DPP10: variants seen among roughly 807,000 people sequenced by gnomAD.
DPP10 encodes the protein inactive dipeptidyl peptidase 10.
Under a neutral mutation model 120.9 loss-of-function variants are expected in DPP10, and 33 were observed. The ratio of observed to expected loss-of-function variants is 0.27; its 90% CI spans 0.21 to 0.37. DPP10 has a LOEUF of 0.37. Among genes scored for constraint, DPP10 ranks in the 10% least tolerant of loss-of-function variants. The pLI is 1.00. For synonymous variants in DPP10, 337 were observed against 326.1 expected (o/e 1.03, Z -0.36); for missense variants, 816 against 942.8 (o/e 0.87, Z 1.76).
intron 1 of DPP10, among the ~76,000 whole-genome samples, chr2:114,814,427 A>G (rs17043595): frequency 0.013 from 2,045 of 152,050 alleles, 45 homozygotes; most frequent in African/African-American, 0.041. Flanking sequence ...AGTACTGTAC[A>G]ATTGTAATAT....
At chr2:114,774,030 A>G (rs1228243125) in intron 1 of DPP10, among the ~76,000 whole-genome samples, 2 of 152,046 alleles carry the variant, frequency 1.3e-5, no homozygotes, top group South Asian at 2.1e-4. Context: ...ATGTATATTT[A>G]TTTGATATAT....
chr2:115,012,863 A>T (rs1468021916), intron 1 of DPP10, among the ~76,000 whole-genome samples: 1 of 152,220 alleles, frequency 6.6e-6, no homozygotes, highest in Non-Finnish European at 1.5e-5. Flanking sequence ...TCAATTATTA[A>T]GGTAATCAAA....
chr2:114,962,475 A>T (rs1200641584), intron 1 of DPP10, among the ~76,000 whole-genome samples: 4 of 152,136 alleles, frequency 2.6e-5, no homozygotes, highest in African/African-American at 9.7e-5. Flanking sequence ...TAGGAGGAAA[A>T]AGTGTGCTTT....
chr2:115,842,174 G>A, intron 25 of DPP10, 37 bp from the exon 26 acceptor site: 1 of 1,545,420 alleles, frequency 6.5e-7, no homozygotes, highest in Middle Eastern at 1.7e-4. Context: ...ATAGCTTCTT[G>A]GATAATTTGA....
At position 115,473,827 on chromosome 2, in the gene DPP10, G is replaced by T. The variant is rs142127480; in HGVS notation, c.272-25683G>T. On this transcript the variant is annotated intron_variant, in intron 3 of 25. Coordinates refer to ENST00000410059, the MANE Select transcript of DPP10 (RefSeq NM_020868.6). ...TTCCTGTGATACAGACCTCCAAGGTGTGTGTGTACATTACATAGCAATGAC... is the reference window on the plus strand; with the variant it reads ...TTCCTGTGATACAGACCTCCAAGGTTTGTGTGTACATTACATAGCAATGAC... Among the ~76,000 whole-genome samples, 61 of 152,302 alleles carry T rather than the reference G, an allele frequency of 4.0e-4. No homozygotes were observed. The East Asian group carries it at 0.011, about 27-fold the overall frequency.
At chr2:115,644,540 A>G (rs1218581799) in intron 5 of DPP10, among the ~76,000 whole-genome samples, 1 of 151,868 alleles carries the variant, frequency 6.6e-6, no homozygotes, top group Admixed American at 6.6e-5. Context: ...GAAGGCCAAG[A>G]TGGGAGGATT....
At chr2:114,964,853 G>A (rs961404692) in intron 1 of DPP10, among the ~76,000 whole-genome samples, 3 of 152,124 alleles carry the variant, frequency 2.0e-5, no homozygotes, top group East Asian at 1.9e-4. Context: ...GTTAAAACTG[G>A]GCTCCTGTTA....
intron 1 of DPP10, among the ~76,000 whole-genome samples, chr2:114,680,397 T>C (rs939648693): frequency 1.4e-4 from 21 of 151,958 alleles, no homozygotes; most frequent in African/African-American, 4.6e-4. Context: ...TTTTAAGAGC[T>C]TTGAGAGTAG....
intron 1 of DPP10, among the ~76,000 whole-genome samples, chr2:114,906,015 T>C (rs892122002): frequency 6.6e-6 from 1 of 152,212 alleles, no homozygotes. Context: ...CTTTTGTATC[T>C]GAATGTCTTT....
chr2:114,550,849 G>A (rs891060989), intron 1 of DPP10, among the ~76,000 whole-genome samples: 5 of 152,154 alleles, frequency 3.3e-5, no homozygotes, highest in African/African-American at 7.2e-5. Flanking sequence ...ATGGGGGCAC[G>A]GAATGAAGGA....
At chr2:115,717,757 G>A (rs1029082345) in intron 7 of DPP10, among the ~76,000 whole-genome samples, 6 of 152,296 alleles carry the variant, frequency 3.9e-5, no homozygotes, top group Middle Eastern at 3.4e-3. Context: ...TGGAAGCCAC[G>A]TGAATGGGCA....
rs756338907 is a variant in DPP10, at chr2:115,658,426, C to A, written c.442-31261C>A. Among the ~76,000 whole-genome samples, 30 of 151,778 alleles carry A rather than the reference C, an allele frequency of 2.0e-4. No individual in the cohort carries two copies. In the Middle Eastern group the frequency reaches 0.01, roughly 52 times the overall value. ...GAGAATGAATTCGATGTCTTAAAAT[C>A]TCTCTCTCTTTTTATATTTATTTTA... On this transcript the variant is annotated intron_variant, in intron 5 of 25. Coordinates refer to ENST00000410059, the MANE Select transcript of DPP10 (RefSeq NM_020868.6).
At chr2:115,179,971 A>G (rs2053966194) in intron 1 of DPP10, among the ~76,000 whole-genome samples, 1 of 152,184 alleles carries the variant, frequency 6.6e-6, no homozygotes, top group African/African-American at 2.4e-5. Context: ...AGCTTTTTAA[A>G]ATCAAATAAC....
chr2:115,006,876 C>A (rs1217446684), intron 1 of DPP10, among the ~76,000 whole-genome samples: 4 of 152,032 alleles, frequency 2.6e-5, no homozygotes, highest in African/African-American at 9.6e-5. Flanking sequence ...ACCTAATAGA[C>A]ATCTACAGAA....
At chr2:114,942,329 A>ATG in intron 1 of DPP10, among the ~76,000 whole-genome samples, 2 of 119,964 alleles carry the variant, frequency 1.7e-5, no homozygotes, top group African/African-American at 6.7e-5. Context: ...ATACACACAC[A>ATG]TATATATATA....
At chr2:114,950,960 A>G (rs886230991) in intron 1 of DPP10, among the ~76,000 whole-genome samples, 8 of 152,304 alleles carry the variant, frequency 5.3e-5, no homozygotes, top group East Asian at 1.9e-4. Context: ...TCTTATGGGG[A>G]TGACAATAGC....
intron 1 of DPP10, among the ~76,000 whole-genome samples, chr2:115,075,206 T>A (rs1229802981): frequency 6.6e-6 from 1 of 152,246 alleles, no homozygotes; most frequent in Non-Finnish European, 1.5e-5. Flanking sequence ...CACATTGGTG[T>A]TTGCATAAAA....
intron 1 of DPP10, among the ~76,000 whole-genome samples, chr2:114,774,158 G>A (rs1456295874): frequency 6.6e-6 from 1 of 152,114 alleles, no homozygotes; most frequent in African/African-American, 2.4e-5. Context: ...GCCAGGAGAT[G>A]AGGATGCAGG....
chr2:115,691,190 T>G (rs1235286456), intron 7 of DPP10, among the ~76,000 whole-genome samples: 1 of 152,146 alleles, frequency 6.6e-6, no homozygotes, highest in Non-Finnish European at 1.5e-5. Context: ...TTCATCCAGT[T>G]TTCGGATTTA....
Sources: gnomAD v4.1 joint callset for allele counts (sites outside exome capture counted in the v4.1 genomes callset) on GRCh38, gnomAD v4.1.1 for gene constraint, MANE v1.5 for transcripts, NCBI Gene and HGNC (gene_info 2026-07-23, HGNC 2026-07-21) for gene names.